Variants in LPO observed in about 807,000 individuals in gnomAD.
LPO encodes salivary peroxidase.
In LPO, 70 loss-of-function variants were observed where a neutral mutation model predicts 68.4. The observed-to-expected ratio is 1.02, with a 90% CI of 0.84 to 1.25. The LOEUF (loss-of-function observed/expected upper bound fraction) is 1.25. Among genes scored for constraint, LPO ranks in the 50% most tolerant of loss-of-function variants. LPO has a pLI of 0.00. For synonymous variants in LPO, 360 were observed against 357.6 expected (o/e 1.01, Z -0.08); for missense variants, 873 against 908.4 (o/e 0.96, Z 0.50).
At chr17:58,266,356 G>A in intron 11 of LPO, 30 bp downstream of exon 11, 1 of 1,604,704 alleles carries the variant, frequency 6.2e-7, no homozygotes, top group South Asian at 1.1e-5. Context: ...CCTGCACTGG[G>A]GAAATTTTAG....
At chr17:58,245,092 C>T (rs1368009300) in intron 3 of LPO, among the ~76,000 whole-genome samples, 3 of 152,194 alleles carry the variant, frequency 2.0e-5, no homozygotes, top group Admixed American at 6.5e-5. Flanking sequence ...TGATAAAACA[C>T]GCTCTGGACG....
chr17:58,244,884 T>A (rs1158784509), intron 3 of LPO, among the ~76,000 whole-genome samples: 2 of 152,190 alleles, frequency 1.3e-5, no homozygotes, highest in African/African-American at 4.8e-5. Flanking sequence ...TCAACTGCCC[T>A]CCGATCCTGT....
intron 9 of LPO, among the ~76,000 whole-genome samples, chr17:58,256,680 G>A (rs1970078580): frequency 6.6e-6 from 1 of 151,848 alleles, no homozygotes; most frequent in Non-Finnish European, 1.5e-5. Context: ...TGGGTGTGGT[G>A]GCATGCGCCT....
At chr17:58,244,379 A>G in intron 3 of LPO, 1 of 399,506 alleles carries the variant, frequency 2.5e-6, no homozygotes, top group South Asian at 4.7e-5. Context: ...TGCATTCCAG[A>G]GTCCCAGAAA....
chr17:58,249,178 G>C lies in LPO; in HGVS notation c.443+1G>C. 1 of 1,613,570 alleles carries C rather than the reference G, an allele frequency of 6.2e-7. No individual in the cohort carries two copies. The highest frequency in any genetic ancestry group is 8.5e-7 in the Non-Finnish European group (1 of 1,179,504). ...CCATTACGGGAGACTGCAATAACAGGTGGCGGGGCTTGGGGTGTGGGGGCC... is the reference window on the plus strand; with the variant it reads ...CCATTACGGGAGACTGCAATAACAGCTGGCGGGGCTTGGGGTGTGGGGGCC... On this transcript the variant is annotated splice_donor_variant, in intron 5 of 12. Transcript: ENST00000262290. LOFTEE classifies it high-confidence loss of function.
At position 58,244,032 on chromosome 17, in the gene LPO, A is replaced by T; in HGVS notation, c.115A>T (p.Ser39Cys). ...TRTSAISDTV[S>C]QAKVQVNKAF... Reference sequence around the variant, plus strand: ...AACCTCTGCCATCTCCGATACTGTGAGTCAGGCCAAGGTCCAAGTCAACAA... The same window carrying T: ...AACCTCTGCCATCTCCGATACTGTGTGTCAGGCCAAGGTCCAAGTCAACAA... Residue 39 changes from serine (S) to cysteine (C), a missense_variant, in exon 3 of 13, where the codon AGT becomes TGT. By Grantham distance (112) the Ser-to-Cys change is moderately radical. Coordinates refer to ENST00000262290, the MANE Select transcript of LPO (RefSeq NM_006151.3). The T allele has an allele frequency of 6.2e-7, 1 of 1,613,464 alleles. No homozygotes were observed. The highest frequency in any genetic ancestry group is 1.7e-5 in the Admixed American group (1 of 59,910).
intron 1 of LPO, among the ~76,000 whole-genome samples, chr17:58,239,989 G>A (rs1020359006): frequency 2.0e-5 from 3 of 152,110 alleles, no homozygotes; most frequent in African/African-American, 7.2e-5. Context: ...CTTAGGTCCT[G>A]GGAAAACAAA....
chr17:58,252,338 G>GAGCCA lies in LPO; in HGVS notation c.942_946dup (p.Leu316GlnfsTer84). The GAGCCA allele has an allele frequency of 6.2e-7, 1 of 1,614,070 alleles. No individual in the cohort carries two copies. Among genetic ancestry groups the GAGCCA allele is most frequent in the Non-Finnish European group, 8.5e-7 (1 of 1,180,022 alleles). Reference sequence around the variant, plus strand: ...GGATGCCAGCTTTGTGTACAGCTCCGAGCCAAGCCTGGCCAGCCGCCTCCG... The same window carrying GAGCCA: ...GGATGCCAGCTTTGTGTACAGCTCCGAGCCAAGCCAAGCCTGGCCAGCCGCCTCCG... On this transcript the variant is annotated frameshift_variant, in exon 8 of 13. Transcript: ENST00000262290. LOFTEE classifies it high-confidence loss of function.
intron 1 of LPO, among the ~76,000 whole-genome samples, chr17:58,240,204 G>T (rs943819092): frequency 2.0e-5 from 3 of 152,194 alleles, no homozygotes; most frequent in Non-Finnish European, 4.4e-5. Flanking sequence ...TAGCCAGAGA[G>T]GGTATTGTAT....
chr17:58,239,498 C>T (rs1329834393), intron 1 of LPO, among the ~76,000 whole-genome samples: 1 of 152,072 alleles, frequency 6.6e-6, no homozygotes, highest in Non-Finnish European at 1.5e-5. Context: ...CATTCTCATC[C>T]TGATCTTGGA....
chr17:58,246,830 C>T (rs909100857), intron 3 of LPO, among the ~76,000 whole-genome samples: 11 of 152,238 alleles, frequency 7.2e-5, no homozygotes, highest in African/African-American at 2.4e-4. Flanking sequence ...AGTACTGAAT[C>T]GAACTGTAGA....
chr17:58,241,737 TACA>T lies in LPO; in HGVS notation c.-2-1236_-2-1234del, dbSNP rs199857992. Reference sequence around the variant, plus strand: ...TTCTCTAGAGTTAGCTGGCAAAAAGTACAACAAGATACAAATTATTAGGGGGAC... The same window carrying T: ...TTCTCTAGAGTTAGCTGGCAAAAAGTACAAGATACAAATTATTAGGGGGAC... On this transcript the variant is annotated intron_variant, in intron 1 of 12. Coordinates refer to ENST00000262290, the MANE Select transcript of LPO (RefSeq NM_006151.3). Among the ~76,000 whole-genome samples the T allele has an allele frequency of 1.8e-3, 278 of 151,976 alleles. 3 individuals are homozygous for T. Among genetic ancestry groups the T allele is most frequent in the African/African-American group, 5.7e-3 (237 of 41,428 alleles).
At chr17:58,259,933 A>T (rs1358509867) in intron 9 of LPO, among the ~76,000 whole-genome samples, 1 of 152,186 alleles carries the variant, frequency 6.6e-6, no homozygotes, top group East Asian at 1.9e-4. Context: ...CTCCTGCCTC[A>T]GTCTCCTGAG....
At chr17:58,257,804 C>A (rs750945210) in intron 9 of LPO, among the ~76,000 whole-genome samples, 3 of 152,108 alleles carry the variant, frequency 2.0e-5, no homozygotes, top group Admixed American at 6.5e-5. Flanking sequence ...TTTGTTATTG[C>A]CTGTCTTTTT....
chr17:58,263,114 T>G (rs1441055024), intron 9 of LPO, among the ~76,000 whole-genome samples: 1 of 152,230 alleles, frequency 6.6e-6, no homozygotes, highest in Non-Finnish European at 1.5e-5. Flanking sequence ...ACTCTGTTAT[T>G]GAGTCTATTC....
intron 3 of LPO, among the ~76,000 whole-genome samples, chr17:58,246,662 C>G (rs901912643): frequency 3.3e-5 from 5 of 152,140 alleles, no homozygotes; most frequent in Admixed American, 2.6e-4. Context: ...GGCCTGCCTG[C>G]CTTTGTTCAC....
intron 6 of LPO, 112 bp downstream of exon 6, chr17:58,249,807 C>A: frequency 7.3e-7 from 1 of 1,371,102 alleles, no homozygotes. Flanking sequence ...CAGGGGTGCG[C>A]GATGGAGATC....
Position 58,252,526 on chromosome 17 carries a change from A to G in LPO, c.1105+20A>G, listed in dbSNP as rs376698479. 3.2e-4 allele frequency: 511 copies of G among 1,601,970 alleles called. 2 individuals carry two copies. The highest frequency in any genetic ancestry group is 5.5e-5 in the Non-Finnish European group (64 of 1,172,210). On this transcript the variant is annotated intron_variant, in intron 8 of 12. Coordinates refer to ENST00000262290, the MANE Select transcript of LPO (RefSeq NM_006151.3). ...TGGCAGGTGAGTCTAGCCTGGGAAC[A>G]GAAGGGCCCAAGGACAAGGGGATTA...
intron 9 of LPO, among the ~76,000 whole-genome samples, chr17:58,262,624 C>T (rs1970195679): frequency 6.6e-6 from 1 of 152,198 alleles, no homozygotes; most frequent in Admixed American, 6.5e-5. Flanking sequence ...AACTCCTGAC[C>T]TCAGATGATC....
Sources: allele counts gnomAD v4.1 joint callset (sites outside exome capture counted in the v4.1 genomes callset), GRCh38; gene constraint gnomAD v4.1.1; transcripts MANE v1.5; gene names NCBI Gene and HGNC (gene_info 2026-07-23, HGNC 2026-07-21).